KLHL12: variants seen among roughly 807,000 people sequenced by gnomAD.
KLHL12 encodes the protein kelch-like protein 12.
Under a neutral mutation model 60.8 loss-of-function variants are expected in KLHL12, and 17 were observed. That is an observed-to-expected ratio of 0.28 (90% CI 0.19 to 0.42). The LOEUF (loss-of-function observed/expected upper bound fraction) is 0.42. Ranked by LOEUF, KLHL12 falls within the 10% of genes least tolerant of loss-of-function variation. KLHL12 has a pLI of 1.00. For missense variants in KLHL12, 468 were observed against 722.3 expected (o/e 0.65, Z 4.04); for synonymous variants, 220 against 250.9 (o/e 0.88, Z 1.16).
chr1:202,926,615 G>C (rs1225202934), intron 1 of KLHL12, among the ~76,000 whole-genome samples: 2 of 152,136 alleles, frequency 1.3e-5, no homozygotes, highest in African/African-American at 4.8e-5. Context: ...TATCGTTTCC[G>C]TGTCAAAATG....
chr1:202,896,623 T>C (rs1278347853), intron 7 of KLHL12, among the ~76,000 whole-genome samples: 1 of 152,220 alleles, frequency 6.6e-6, no homozygotes, highest in Non-Finnish European at 1.5e-5. Context: ...TAACTAGTGG[T>C]GGCCATCTGA....
In KLHL12 at chr1:202,925,031, G is replaced by T. The variant is rs778958066; in HGVS notation, c.132C>A (p.Phe44Leu). The T allele has an allele frequency of 6.9e-5, 111 of 1,614,024 alleles. No individual in the cohort carries two copies. Among genetic ancestry groups the T allele is most frequent in the Admixed American group, 6.7e-4 (40 of 60,004 alleles). The stretch of plus-strand genomic sequence containing the variant: ...CAGCCAGCACAATCCGATGGGCAGG[G>T]AAGTCTTTCTGCTCTACTCTCAATG... ...DVTLRVEQKDFPAHRIVLAAC... is the reference protein window; with the variant it reads ...DVTLRVEQKDLPAHRIVLAAC... The change falls in exon 2 of 12, where the codon TTC (phenylalanine) becomes TTA (leucine). Residue 44 changes from phenylalanine (F) to leucine (L), a missense_variant. Physicochemically the swap from Phe to Leu is conservative, Grantham distance 22. Around this residue, in one of 4 missense-constraint regions of KLHL12, gnomAD observed 61 missense variants for 59.9 expected, o/e 1.02. Coordinates refer to ENST00000367261, the MANE Select transcript of KLHL12 (RefSeq NM_021633.4).
chr1:202,893,385 C>T lies in KLHL12; in HGVS notation c.1434G>A (p.Val478=), dbSNP rs201444078. The change falls in exon 11 of 12, where the codon GTG becomes GTA. Residue 478 remains valine, a synonymous_variant. Transcript: ENST00000367261. The surrounding 1 kb of genome is among the most constrained non-coding windows in gnomAD (Gnocchi z 4.1). ...VALLNDHIYV[V]GGFDGTAHLS... Reference sequence around the variant, plus strand: ...GGTGGGCTGTACCATCAAATCCCCCCACCACATAAATATGGTCATTCAGCA... The same window carrying T: ...GGTGGGCTGTACCATCAAATCCCCCTACCACATAAATATGGTCATTCAGCA... 7.0e-5 allele frequency: 113 copies of T among 1,613,822 alleles called. 1 individual carries two copies. The Middle Eastern group carries it at 9.9e-4, about 14-fold the overall frequency.
intron 2 of KLHL12, among the ~76,000 whole-genome samples, chr1:202,923,371 G>C (rs892360418): frequency 5.3e-5 from 8 of 152,146 alleles, no homozygotes; most frequent in African/African-American, 1.9e-4. Context: ...ATATCTCATG[G>C]AGAACAGTAT....
At chr1:202,894,786 T>C in intron 8 of KLHL12, 37 bp from the exon 9 acceptor site, 1 of 1,548,914 alleles carries the variant, frequency 6.5e-7, no homozygotes, top group Non-Finnish European at 8.9e-7. Context: ...TATTAGAGAA[T>C]GAGAGATTTC....
At chr1:202,925,847 T>A (rs1298589494) in intron 1 of KLHL12, among the ~76,000 whole-genome samples, 1 of 152,142 alleles carries the variant, frequency 6.6e-6, no homozygotes, top group African/African-American at 2.4e-5. Context: ...AGCTCACTCC[T>A]GTAATCCCAG....
At chr1:202,915,474 A>T (rs1660495597) in intron 4 of KLHL12, among the ~76,000 whole-genome samples, 1 of 151,614 alleles carries the variant, frequency 6.6e-6, no homozygotes, top group East Asian at 1.9e-4. Flanking sequence ...ACACACACTT[A>T]AAAAAAAACT....
chr1:202,900,362 G>T (rs1413025229), intron 6 of KLHL12, among the ~76,000 whole-genome samples: 1 of 151,380 alleles, frequency 6.6e-6, no homozygotes, highest in African/African-American at 2.4e-5. Context: ...TGGGTAACAT[G>T]GTGAGACTCC....
At chr1:202,927,674 T>TAAAAAAAA (rs748842460), upstream of KLHL12, among the ~76,000 whole-genome samples, 1 of 75,432 alleles carries the variant, frequency 1.3e-5, no homozygotes, top group African/African-American at 5.7e-5. Context: ...TGAGACCCTG[T>TAAAAAAAA]AAAAAAAAAA....
At position 202,927,221 on chromosome 1, in the gene KLHL12, A is replaced by G. The variant is rs902130574; in HGVS notation, c.-178T>C. The G allele has an allele frequency of 5.1e-6, 5 of 984,980 alleles. No individual in the cohort carries two copies. Among genetic ancestry groups the G allele is most frequent in the Non-Finnish European group, 6.0e-6 (5 of 829,844 alleles). The allele number at this position is 984,980 out of a possible 1,614,324, so 61.0% of individuals were successfully genotyped here. ...GACCCGGAGGCTCTGGAGGCTCTGG[A>G]GCCGTCCGGGTCTGGCCCCTGCGGC... is the stretch of plus-strand genomic sequence containing the variant. On this transcript the variant is annotated 5_prime_UTR_variant, in exon 1 of 12. Transcript: ENST00000367261.
chr1:202,912,171 T>A, intron 4 of KLHL12: 1 of 893,574 alleles, frequency 1.1e-6, no homozygotes, highest in Non-Finnish European at 1.9e-6. Context: ...CTGAAGAACA[T>A]CACCTAAGAG....
At chr1:202,926,794 G>A (rs1653582831) in intron 1 of KLHL12, among the ~76,000 whole-genome samples, 1 of 152,114 alleles carries the variant, frequency 6.6e-6, no homozygotes. Flanking sequence ...CAGGGAATGG[G>A]TAGTAAACTC....
In KLHL12 at chr1:202,927,148, G is replaced by A. The variant is rs1653611327; in HGVS notation, c.-105C>T. On this transcript the variant is annotated 5_prime_UTR_variant, in exon 1 of 12. Coordinates refer to ENST00000367261, the MANE Select transcript of KLHL12 (RefSeq NM_021633.4). ...CGTCCCCAGCCTGTGGGGATGGAGT[G>A]CGGCGCGGGGCTAGCAGGCGGCTCG... The A allele has an allele frequency of 9.1e-6, 9 of 985,306 alleles. No homozygotes were observed. In the South Asian group the frequency reaches 3.8e-4, roughly 41 times the overall value. 61.0% of individuals were successfully genotyped at this position (985,306 alleles called of 1,614,324 possible). A position where few individuals can be genotyped will look rare whatever the true frequency, so the allele number is the denominator to read the frequency against.
At chr1:202,928,598 C>G, upstream of KLHL12, 1 of 1,161,154 alleles carries the variant, frequency 8.6e-7, no homozygotes, top group South Asian at 1.3e-5. Context: ...CGAGAATCCT[C>G]TGAGCCTTAG....
intron 11 of KLHL12, 110 bp from the exon 12 acceptor site, chr1:202,892,769 G>T: frequency 8.9e-7 from 1 of 1,120,550 alleles, no homozygotes; most frequent in Non-Finnish European, 1.3e-6. Flanking sequence ...TTAAGCCCAG[G>T]AGGGAATTTG....
At chr1:202,897,218 A>ATTTCTT (rs1447591302) in intron 6 of KLHL12, among the ~76,000 whole-genome samples, 8 of 137,162 alleles carry the variant, frequency 5.8e-5, no homozygotes, top group Admixed American at 7.5e-5. Flanking sequence ...ACACTGCACC[A>ATTTCTT]TTTCTTTTTC....
rs1428283734 is a variant in KLHL12 at position 202,892,455 on chromosome 1, T to G, written c.*78A>C. 1 of 1,533,996 alleles carries G rather than the reference T, an allele frequency of 6.5e-7. No individual in the cohort carries two copies. The highest frequency in any genetic ancestry group is 8.9e-7 in the Non-Finnish European group (1 of 1,120,122). ...CGGTGCACATAGTGAGAAACAGACA[T>G]TCTGGAAAGGATTTTTGATTCTCCC... On this transcript the variant is annotated 3_prime_UTR_variant, in exon 12 of 12. Coordinates refer to ENST00000367261, the MANE Select transcript of KLHL12 (RefSeq NM_021633.4).
At chr1:202,906,541 A>G (rs1660197230) in intron 6 of KLHL12, among the ~76,000 whole-genome samples, 1 of 151,884 alleles carries the variant, frequency 6.6e-6, no homozygotes, top group Non-Finnish European at 1.5e-5. Context: ...ACAGAGTTTC[A>G]GTCTTGTTAA....
At position 202,893,382 on chromosome 1, in the gene KLHL12, C is replaced by A; in HGVS notation, c.1437G>T (p.Gly479=). 1 of 1,613,942 alleles carries A rather than the reference C, an allele frequency of 6.2e-7. No homozygotes were observed. The highest frequency in any genetic ancestry group is 8.5e-7 in the Non-Finnish European group (1 of 1,179,892). Residue 479 remains glycine, a synonymous_variant, in exon 11 of 12, where the codon GGG becomes GGT. Coordinates refer to ENST00000367261, the MANE Select transcript of KLHL12 (RefSeq NM_021633.4). This position sits in a 1 kb window ranked among gnomAD's most constrained non-coding sequence, Gnocchi z 4.1. ...AAAGGTGGGCTGTACCATCAAATCCCCCCACCACATAAATATGGTCATTCA... is the reference window on the plus strand; with the variant it reads ...AAAGGTGGGCTGTACCATCAAATCCACCCACCACATAAATATGGTCATTCA... ...ALLNDHIYVV[G]GFDGTAHLSS...
Sources: allele counts gnomAD v4.1 joint callset (sites outside exome capture counted in the v4.1 genomes callset), GRCh38; gene constraint gnomAD v4.1.1; regional missense constraint gnomAD v4.1.1; non-coding constraint Gnocchi (gnomAD v3.1); transcripts MANE v1.5; gene names NCBI Gene and HGNC (gene_info 2026-07-23, HGNC 2026-07-21).